Variants in LENG8 observed in about 807,000 individuals in gnomAD.
LENG8 encodes the protein leukocyte receptor cluster (LRC) member 8.
In LENG8, 28 loss-of-function variants were observed where a neutral mutation model predicts 102.1. That is an observed-to-expected ratio of 0.27 (90% confidence interval 0.20 to 0.38). The LOEUF is 0.38. Ranked by LOEUF, LENG8 falls within the 10% of genes least tolerant of loss-of-function variation. The pLI, the probability that LENG8 is intolerant of heterozygous loss-of-function variation, is 1.00. For missense variants in LENG8, 1,022 were observed against 1,113.9 expected (o/e 0.92, Z 1.17); for synonymous variants, 531 against 456.7 (o/e 1.16, Z -2.07).
At chr19:54,457,700 C>T (rs775962480) in intron 11 of LENG8, 47 bp from the exon 12 acceptor site, 20 of 1,386,866 alleles carry the variant, frequency 1.4e-5, no homozygotes, top group South Asian at 3.5e-5. Flanking sequence ...CCGTTGGCCA[C>T]GCTACCTGAG....
At chr19:54,451,020 CT>C (rs2083938115) in intron 1 of LENG8, among the ~76,000 whole-genome samples, 1 of 151,586 alleles carries the variant, frequency 6.6e-6, no homozygotes, top group Non-Finnish European at 1.5e-5. Flanking sequence ...TCAGACCCTT[CT>C]CCTTCCCTTT....
chr19:54,461,090 A>G lies in LENG8; in HGVS notation c.*162A>G. ...CCCGTTTTCCCACCGGGGAGTCTGT[A>G]CAGAGATTTTTCTACGTTTTTATTT... On this transcript the variant is annotated 3_prime_UTR_variant, in exon 16 of 16. Transcript: ENST00000326764. 1 of 1,089,548 alleles carries G rather than the reference A, an allele frequency of 9.2e-7. No individual in the cohort carries two copies. The highest frequency in any genetic ancestry group is 1.3e-6 in the Non-Finnish European group (1 of 749,604). The allele number at this position is 1,089,548 out of a possible 1,614,324, so 67.5% of individuals were successfully genotyped here.
At position 54,461,952 on chromosome 19, in the gene LENG8, C is replaced by T. The variant is rs774883266; in HGVS notation, c.*1024C>T. The T allele has an allele frequency of 1.9e-6, 2 of 1,028,362 alleles. No homozygotes were observed. Among genetic ancestry groups the T allele is most frequent in the Non-Finnish European group, 3.1e-6 (2 of 654,368 alleles). 63.7% of individuals were successfully genotyped at this position (1,028,362 alleles called of 1,614,324 possible). A position where few individuals can be genotyped will look rare whatever the true frequency, so the allele number is the denominator to read the frequency against. The stretch of plus-strand genomic sequence containing the variant: ...CTCCTTTTCCTTCCTTCCTTCCTTT[C>T]CTTGGAGCACTGAGCACCATTTGGA... On this transcript the variant is annotated 3_prime_UTR_variant, in exon 16 of 16. Coordinates refer to ENST00000326764, the MANE Select transcript of LENG8 (RefSeq NM_052925.4).
chr19:54,460,055 G>C, intron 15 of LENG8: 1 of 1,287,938 alleles, frequency 7.8e-7, no homozygotes, highest in Admixed American at 2.3e-5. Context: ...TCCCCCCAAG[G>C]AGGCTGACCC....
chr19:54,456,172 A>G lies in LENG8; in HGVS notation c.1231A>G (p.Asn411Asp). ...CAACCGCAACGTCTTCATGAAGGAC[A>G]ACAGCTCTTCTTCCAGCACAGACTC... ...FGNRNVFMKD[N>D]SSSSSTDSRS... Residue 411 changes from asparagine (N) to aspartate (D), a missense_variant, in exon 9 of 16, where the codon AAC becomes GAC. Physicochemically the swap from Asn to Asp is conservative, Grantham distance 23 (BLOSUM62 1). This residue lies in a region of LENG8 where 326 missense variants were observed against 324.5 expected (regional missense o/e 1.00). Coordinates refer to ENST00000326764, the MANE Select transcript of LENG8 (RefSeq NM_052925.4). The G allele has an allele frequency of 6.2e-7, 1 of 1,611,498 alleles. No individual in the cohort carries two copies. The highest frequency in any genetic ancestry group is 8.5e-7 in the Non-Finnish European group (1 of 1,178,366).
chr19:54,452,297 C>T lies in LENG8; in HGVS notation c.213+30C>T, dbSNP rs1490820931. ...GAAGGCCTCATGGGGCTGGGGTACC[C>T]TGAGCCAGAGGTTGTGGGAGGGACA... On this transcript the variant is annotated intron_variant, in intron 3 of 15. Coordinates refer to ENST00000326764, the MANE Select transcript of LENG8 (RefSeq NM_052925.4). 5.7e-6 allele frequency: 9 copies of T among 1,574,504 alleles called. No individual in the cohort carries two copies. The South Asian group carries it at 7.9e-5, about 14-fold the overall frequency.
rs1214607881 is a variant in LENG8 at position 54,461,266 on chromosome 19, C to T, written c.*338C>T. The T allele has an allele frequency of 6.0e-5, 30 of 497,414 alleles. No homozygotes were observed. The highest frequency in any genetic ancestry group is 5.3e-4 in the Admixed American group (22 of 41,682). The allele number at this position is 497,414 out of a possible 1,614,324, so 30.8% of individuals were successfully genotyped here. A position where few individuals can be genotyped will look rare whatever the true frequency, so the allele number is the denominator to read the frequency against. ...TCTTTCGAGCTTGCACTCCGGTACC[C>T]GACCCGGCGCCCTGGCCCATCCCAT... On this transcript the variant is annotated 3_prime_UTR_variant, in exon 16 of 16. Coordinates refer to ENST00000326764, the MANE Select transcript of LENG8 (RefSeq NM_052925.4).
Position 54,461,991 on chromosome 19 carries a change from C to T in LENG8, c.*1063C>T, listed in dbSNP as rs1398243189. Reference sequence around the variant, plus strand: ...GCACCATTTGGAAGCTTGAGAGAAACCAAAATTAAAGAGAGAAAGAGAGAG... The same window carrying T: ...GCACCATTTGGAAGCTTGAGAGAAATCAAAATTAAAGAGAGAAAGAGAGAG... On this transcript the variant is annotated 3_prime_UTR_variant, in exon 16 of 16. Transcript: ENST00000326764. The T allele has an allele frequency of 7.1e-7, 1 of 1,399,604 alleles. No individual in the cohort carries two copies. Among genetic ancestry groups the T allele is most frequent in the Non-Finnish European group, 9.9e-7 (1 of 1,014,004 alleles). The allele number at this position is 1,399,604 out of a possible 1,614,324, so 86.7% of individuals were successfully genotyped here.
At chr19:54,454,711 G>T in intron 6 of LENG8, 29 bp downstream of exon 6, 1 of 1,559,190 alleles carries the variant, frequency 6.4e-7, no homozygotes, top group Non-Finnish European at 8.7e-7. Context: ...GTGGAGGTCC[G>T]AGCGGTTGGG....
Position 54,460,789 on chromosome 19 carries a change from C to T in LENG8, c.2264C>T (p.Ser755Phe), listed in dbSNP as rs745309784. 2.7e-6 allele frequency: 4 copies of T among 1,498,922 alleles called. No homozygotes were observed. The highest frequency in any genetic ancestry group is 1.4e-5 in the African/African-American group (1 of 70,770). The allele number at this position is 1,498,922 out of a possible 1,614,324, so 92.9% of individuals were successfully genotyped here. The stretch of plus-strand genomic sequence containing the variant: ...AGCTTCCGCCCTGCGCTGCCAGTCT[C>T]CTACCTGCAGGCCGAGCTGGCCTTC... ...IKTFRPALPV[S>F]YLQAELAFEG... The change falls in exon 16 of 16, where the codon TCC becomes TTC. Residue 755 changes from serine to phenylalanine, a missense_variant. Physicochemically the swap from Ser to Phe is radical, Grantham distance 155. Transcript: ENST00000326764.
Position 54,452,679 on chromosome 19 carries a change from T to TGCA in LENG8, c.253_255dup (p.Gln85dup). On this transcript the variant is annotated inframe_insertion, in exon 4 of 16. Transcript: ENST00000326764. ...GTGTCCCAGGCAGAAGCCTCAGCTTTGCAGCAGCAGCAGTACTACCAGTGG... is the reference window on the plus strand; with the variant it reads ...GTGTCCCAGGCAGAAGCCTCAGCTTTGCAGCAGCAGCAGCAGTACTACCAGTGG... 2 of 1,609,574 alleles carry TGCA rather than the reference T, an allele frequency of 1.2e-6. No individual in the cohort carries two copies. The highest frequency in any genetic ancestry group is 2.2e-5 in the East Asian group (1 of 44,844).
Position 54,458,509 on chromosome 19 carries a change from C to T in LENG8, c.2228C>T (p.Ala743Val). 1.2e-6 allele frequency: 2 copies of T among 1,614,234 alleles called. No individual in the cohort carries two copies. Among genetic ancestry groups the T allele is most frequent in the Non-Finnish European group, 1.7e-6 (2 of 1,180,040 alleles). Residue 743 changes from alanine (A) to valine (V), a missense_variant, in exon 15 of 16, where the codon GCC (alanine) becomes GTC (valine). Ala to Val is a moderately conservative substitution (Grantham distance 64). Around this residue, in one of 7 missense-constraint regions of LENG8, gnomAD observed 129 missense variants for 123.0 expected, o/e 1.05. Transcript: ENST00000326764. ...ADRERKVALK[A>V]MIKTFRPALP... ...CGGGAGCGCAAGGTCGCCCTCAAGG[C>T]CATGATCAAAACGTATGTGGTGCCA...
At chr19:54,454,846 C>G (rs2084140188) in intron 6 of LENG8, 105 bp from the exon 7 acceptor site, 1 of 1,497,622 alleles carries the variant, frequency 6.7e-7, no homozygotes, top group South Asian at 1.2e-5. Flanking sequence ...GAGCCCTCCT[C>G]TAGAACCTGA....
chr19:54,453,161 C>G (rs1326819330), intron 4 of LENG8, among the ~76,000 whole-genome samples: 1 of 152,190 alleles, frequency 6.6e-6, no homozygotes, highest in Non-Finnish European at 1.5e-5. Flanking sequence ...GCCTCGCAGC[C>G]TGTCCCTCTC....
chr19:54,457,640 CTT>C, intron 11 of LENG8, 105 bp from the exon 12 acceptor site: 3 of 833,886 alleles, frequency 3.6e-6, no homozygotes, highest in Middle Eastern at 6.0e-4. Context: ...TGCGCCTGGC[CTT>C]TTTTTTCTTT....
intron 6 of LENG8, 58 bp from the exon 7 acceptor site, chr19:54,454,893 T>TGGGG (rs1428851990): frequency 1.2e-5 from 20 of 1,608,366 alleles, no homozygotes; most frequent in Non-Finnish European, 1.7e-5. Flanking sequence ...TCCCGTCCCC[T>TGGGG]GGGGACCCCT....
At position 54,458,241 on chromosome 19, in the gene LENG8, C is replaced by G; in HGVS notation, c.2032+9C>G. On this transcript the variant is annotated intron_variant, in intron 14 of 15. Coordinates refer to ENST00000326764, the MANE Select transcript of LENG8 (RefSeq NM_052925.4). ...CACCAAGAACTCGGGAGGTGAGGCC[C>G]AGTCCCCAGGACAGAGGCCATGGTA... is the stretch of plus-strand genomic sequence containing the variant. The G allele has an allele frequency of 6.2e-7, 1 of 1,614,172 alleles. No homozygotes were observed. Among genetic ancestry groups the G allele is most frequent in the Non-Finnish European group, 8.5e-7 (1 of 1,180,000 alleles).
At chr19:54,455,650 C>A in intron 8 of LENG8, 83 bp downstream of exon 8, 1 of 1,259,652 alleles carries the variant, frequency 7.9e-7, no homozygotes, top group Non-Finnish European at 1.1e-6. Flanking sequence ...AGTTGCGGGT[C>A]CCAGGTACCA....
At position 54,452,217 on chromosome 19, in the gene LENG8, G is replaced by T. The variant is rs2083994517; in HGVS notation, c.163G>T (p.Ala55Ser). The change falls in exon 3 of 16, where the codon GCC becomes TCC. Residue 55 changes from alanine to serine, a missense_variant. This residue lies in a region of LENG8 where 343 missense variants were observed against 320.2 expected (regional missense o/e 1.07). Coordinates refer to ENST00000326764, the MANE Select transcript of LENG8 (RefSeq NM_052925.4). ...GGCCAGCATCAGCAAGTCAGGAGCT[G>T]CCGGCGGCTCTGCCAAGTCCAGCAG... The part of the protein sequence containing the change: ...ALASISKSGA[A>S]GGSAKSSSNG... The T allele has an allele frequency of 6.2e-7, 1 of 1,613,810 alleles. No individual in the cohort carries two copies. The highest frequency in any genetic ancestry group is 1.3e-5 in the African/African-American group (1 of 74,938).
Sources: allele counts gnomAD v4.1 joint callset (sites outside exome capture counted in the v4.1 genomes callset), GRCh38; gene constraint gnomAD v4.1.1; regional missense constraint gnomAD v4.1.1; transcripts MANE v1.5; gene names NCBI Gene and HGNC (gene_info 2026-07-23, HGNC 2026-07-21).